Variants in STPG2 observed in about 807,000 individuals in gnomAD.
The protein encoded by STPG2 is sperm-tail PG-rich repeat-containing protein 2.
STPG2 carries 56 observed loss-of-function variants against 54.2 expected under a neutral mutation model. The ratio of observed to expected loss-of-function variants is 1.03; its 90% CI spans 0.83 to 1.29. The LOEUF is 1.29. Ranked by LOEUF, STPG2 falls within the 50% of genes most tolerant of loss-of-function variation. STPG2 has a pLI of 0.00. For missense variants in STPG2, 596 were observed against 544.9 expected (o/e 1.09, Z -0.93); for synonymous variants, 200 against 181.8 (o/e 1.10, Z -0.81).
intron 6 of STPG2, among the ~76,000 whole-genome samples, chr4:97,976,403 C>T (rs1734501929): frequency 6.6e-6 from 1 of 152,142 alleles, no homozygotes; most frequent in Non-Finnish European, 1.5e-5. Flanking sequence ...ATATCATCCT[C>T]AGGGCTAGGG....
intron 8 of STPG2, among the ~76,000 whole-genome samples, chr4:97,928,323 C>T (rs1578700270): frequency 6.6e-6 from 1 of 152,122 alleles, no homozygotes; most frequent in Non-Finnish European, 1.5e-5. Context: ...GTACTCCTTA[C>T]TTTCTAACTC....
intron 5 of STPG2, among the ~76,000 whole-genome samples, chr4:98,060,905 A>G (rs1737632295): frequency 1.3e-5 from 2 of 152,200 alleles, no homozygotes; most frequent in Admixed American, 1.3e-4. Flanking sequence ...TTTGCCATAT[A>G]CAAAAACTAA....
At chr4:98,044,616 C>T (rs894047891) in intron 5 of STPG2, among the ~76,000 whole-genome samples, 5 of 152,128 alleles carry the variant, frequency 3.3e-5, no homozygotes, top group African/African-American at 7.2e-5. Context: ...TCAACCATGC[C>T]GCCAGTCCAT....
At chr4:97,485,722 G>A in intron 4 of STPG2, among the ~76,000 whole-genome samples, 1 of 150,754 alleles carries the variant, frequency 6.6e-6, no homozygotes, top group Non-Finnish European at 1.5e-5. Flanking sequence ...TTCATATGAA[G>A]CCTGCATAGC....
At chr4:98,090,485 A>G (rs968853182) in intron 5 of STPG2, among the ~76,000 whole-genome samples, 1 of 152,084 alleles carries the variant, frequency 6.6e-6, no homozygotes, top group Non-Finnish European at 1.5e-5. Flanking sequence ...GAAGTCTGGT[A>G]ATGCGATACT....
At chr4:97,642,272 A>G (rs1721787560) in intron 10 of STPG2, among the ~76,000 whole-genome samples, 1 of 151,392 alleles carries the variant, frequency 6.6e-6, no homozygotes, top group Non-Finnish European at 1.5e-5. Flanking sequence ...CATACATTTT[A>G]TATGTAGTAT....
intron 10 of STPG2, among the ~76,000 whole-genome samples, chr4:97,568,228 T>C (rs1201802404): frequency 6.6e-6 from 1 of 152,186 alleles, no homozygotes; most frequent in Non-Finnish European, 1.5e-5. Flanking sequence ...TCTTAGTAGG[T>C]TGTTTTTTCT....
At chr4:97,507,483 A>G (rs568022419) in intron 4 of STPG2, among the ~76,000 whole-genome samples, 1 of 152,044 alleles carries the variant, frequency 6.6e-6, no homozygotes, top group Non-Finnish European at 1.5e-5. Flanking sequence ...TTACAATCCA[A>G]TTTCAACTGC....
chr4:97,631,219 A>G (rs2148932854), intron 10 of STPG2, among the ~76,000 whole-genome samples: 1 of 152,140 alleles, frequency 6.6e-6, no homozygotes, highest in South Asian at 2.1e-4. Context: ...TATTTCCTTG[A>G]CAAAGAAGGC....
chr4:97,706,836 A>G lies in STPG2; in HGVS notation c.1320+5863T>C, dbSNP rs118017525. Among the ~76,000 whole-genome samples the G allele has an allele frequency of 1.5e-4, 23 of 152,300 alleles. No homozygotes were observed. In the East Asian group the frequency reaches 4.4e-3, roughly 29 times the overall value. ...AGTGTCAAATTAAAAGAGAATAAGA[A>G]AAGAGAAAATGGAAACGATGAATGT... is the stretch of plus-strand genomic sequence containing the variant. On this transcript the variant is annotated intron_variant, in intron 10 of 10. Transcript: ENST00000295268.
intron 10 of STPG2, among the ~76,000 whole-genome samples, chr4:97,651,022 A>G (rs891827838): frequency 3.9e-5 from 6 of 152,070 alleles, no homozygotes; most frequent in African/African-American, 1.4e-4. Flanking sequence ...AAAAAAAAAA[A>G]TCAGAGCTTA....
intron 8 of STPG2, among the ~76,000 whole-genome samples, chr4:97,896,376 T>C (rs1730953700): frequency 6.6e-6 from 1 of 151,832 alleles, no homozygotes; most frequent in Non-Finnish European, 1.5e-5. Flanking sequence ...AGGATGCCTA[T>C]ATAACTTAGA....
At chr4:97,637,903 A>G (rs912843330) in intron 10 of STPG2, among the ~76,000 whole-genome samples, 4 of 152,118 alleles carry the variant, frequency 2.6e-5, no homozygotes, top group Non-Finnish European at 5.9e-5. Flanking sequence ...AATATCGTGA[A>G]AATGGCCATA....
rs182205695 is a variant in STPG2 at position 97,836,462 on chromosome 4, T to A, written c.1204+4311A>T. 2.9e-3 allele frequency among the ~76,000 whole-genome samples: 435 copies of A among 152,006 alleles called. 3 individuals carry two copies. The highest frequency in any genetic ancestry group is 9.9e-3 in the African/African-American group (411 of 41,510). On this transcript the variant is annotated intron_variant, in intron 9 of 10. Coordinates refer to ENST00000295268, the MANE Select transcript of STPG2 (RefSeq NM_174952.3). ...GCACACTTAATAGACTATAGTATAG[T>A]CTAAACATATTTTTTATGTACTGGG...
intron 10 of STPG2, among the ~76,000 whole-genome samples, chr4:97,647,005 T>G (rs1721931671): frequency 6.6e-6 from 1 of 152,170 alleles, no homozygotes; most frequent in Non-Finnish European, 1.5e-5. Context: ...GACTCTTCTT[T>G]CAGCTTCAAC....
At chr4:97,812,829 G>C (rs1221208738) in intron 9 of STPG2, among the ~76,000 whole-genome samples, 1 of 152,048 alleles carries the variant, frequency 6.6e-6, no homozygotes, top group Non-Finnish European at 1.5e-5. Flanking sequence ...CCTGAGCTTT[G>C]TATTTATATG....
chr4:97,538,413 A>G (rs1239636908), intron 4 of STPG2, among the ~76,000 whole-genome samples: 1 of 152,228 alleles, frequency 6.6e-6, no homozygotes, highest in African/African-American at 2.4e-5. Context: ...TTCAGTAGCC[A>G]ATTCGAACAA....
At chr4:97,773,676 C>T (rs1726284960) in intron 9 of STPG2, among the ~76,000 whole-genome samples, 1 of 152,064 alleles carries the variant, frequency 6.6e-6, no homozygotes, top group Non-Finnish European at 1.5e-5. Context: ...AATTACTATA[C>T]TGTATTTATA....
intron 8 of STPG2, among the ~76,000 whole-genome samples, chr4:97,873,644 T>A (rs1255784623): frequency 2.0e-5 from 3 of 151,544 alleles, no homozygotes; most frequent in Non-Finnish European, 4.4e-5. Context: ...CATTTCAAAC[T>A]ACTCAAAAGT....
Sources: allele counts gnomAD v4.1 joint callset (sites outside exome capture counted in the v4.1 genomes callset), GRCh38; gene constraint gnomAD v4.1.1; transcripts MANE v1.5; gene names NCBI Gene and HGNC (gene_info 2026-07-23, HGNC 2026-07-21).